The following ZNF782 variants were observed in gnomAD, a reference collection of about 807,000 sequenced individuals.
ZNF782 encodes the protein zinc finger protein 782.
A neutral mutation model predicts 13.0 loss-of-function variants in ZNF782; 12 were observed. That is an observed-to-expected ratio of 0.92 (90% CI 0.59 to 1.50). The LOEUF is 1.50. ZNF782 is among the 40% of genes most tolerant of loss of function. ZNF782 has a pLI of 0.00. For synonymous variants in ZNF782, 284 were observed against 283.0 expected (o/e 1.00, Z -0.04); for missense variants, 770 against 822.9 (o/e 0.94, Z 0.79).
Position 96,825,047 on chromosome 9 carries a change from A to G in ZNF782, c.244+2033T>C, listed in dbSNP as rs937298254. ...CAATGACTTTCTTCACAGAATTGGA[A>G]AAAACTACTTTAAAGTTCATATGGA... On this transcript the variant is annotated intron_variant, in intron 5 of 5. Coordinates refer to ENST00000481138, the MANE Select transcript of ZNF782 (RefSeq NM_001001662.3). Among the ~76,000 whole-genome samples the G allele has an allele frequency of 6.8e-4, 103 of 150,934 alleles. 1 individual carries two copies. Among genetic ancestry groups the G allele is most frequent in the South Asian group, 4.0e-3 (19 of 4,788 alleles).
At chr9:96,907,598 A>G in the ZNF782 span, among the ~76,000 whole-genome samples, 1,578 of 152,174 alleles carry the variant, frequency 0.01, 5 homozygotes, top group African/African-American at 0.036. Context: ...GTCTTCTCCA[A>G]TACCACACTG....
chr9:96,923,127 C>T, the ZNF782 span, among the ~76,000 whole-genome samples: 4 of 147,958 alleles, frequency 2.7e-5, no homozygotes, highest in Non-Finnish European at 5.9e-5. Context: ...CTGAAAAATA[C>T]AAGCACATAG....
chr9:96,819,757 A>G lies in ZNF782; in HGVS notation c.266T>C (p.Ile89Thr). 6.2e-7 allele frequency: 1 copy of G among 1,604,582 alleles called. No homozygotes were observed. Among genetic ancestry groups the G allele is most frequent in the Non-Finnish European group, 8.5e-7 (1 of 1,176,612 alleles). Reference sequence around the variant, plus strand: ...TTGATTTTCTGGGCTCTTCTCTGAGATTTCATCAGGTTGGGAGTCTTCTAA... The same window carrying G: ...TTGATTTTCTGGGCTCTTCTCTGAGGTTTCATCAGGTTGGGAGTCTTCTAA... ...NSPEDSQPDE[I>T]SEKSPENQGK... The change falls in exon 6 of 6, where the codon ATC becomes ACC. Residue 89 changes from isoleucine (I) to threonine (T), a missense_variant. Coordinates refer to ENST00000481138, the MANE Select transcript of ZNF782 (RefSeq NM_001001662.3).
At chr9:96,826,293 G>T (rs947636709) in intron 5 of ZNF782, among the ~76,000 whole-genome samples, 15 of 142,378 alleles carry the variant, frequency 1.1e-4, no homozygotes, top group East Asian at 2.0e-4. Context: ...GTAAACTATC[G>T]CAAGAACAAA....
intron 4 of ZNF782, among the ~76,000 whole-genome samples, chr9:96,842,605 T>C (rs545519947): frequency 6.6e-6 from 1 of 152,146 alleles, no homozygotes; most frequent in Non-Finnish European, 1.5e-5. Context: ...ATGTAAAATA[T>C]ATTACACAAT....
At chr9:96,827,660 C>G (rs1164610880) in intron 4 of ZNF782, among the ~76,000 whole-genome samples, 1 of 152,080 alleles carries the variant, frequency 6.6e-6, no homozygotes, top group Non-Finnish European at 1.5e-5. Flanking sequence ...AACTGCACAC[C>G]TAAGTAACAT....
chr9:96,881,159 T>G, the ZNF782 span, among the ~76,000 whole-genome samples: 1 of 152,136 alleles, frequency 6.6e-6, no homozygotes, highest in African/African-American at 2.4e-5. Flanking sequence ...TCTCTTCATC[T>G]TTGTCAATCT....
intron 4 of ZNF782, 89 bp from the exon 5 acceptor site, chr9:96,827,270 A>T: frequency 1.2e-6 from 1 of 861,476 alleles, no homozygotes; most frequent in Non-Finnish European, 1.8e-6. Context: ...CAGAAGGGGC[A>T]TATTCAGGGT....
chr9:96,930,809 T>G, the ZNF782 span, among the ~76,000 whole-genome samples: 17,263 of 148,440 alleles, frequency 0.12, 2,244 homozygotes, highest in East Asian at 0.34. Context: ...TGCTGGGCGT[T>G]ATGTGTTATG....
the ZNF782 span, among the ~76,000 whole-genome samples, chr9:96,910,751 C>T: frequency 1.3e-5 from 2 of 148,740 alleles, no homozygotes; most frequent in African/African-American, 4.9e-5. Context: ...ATTCTCCTGC[C>T]TCAGCCTCCC....
chr9:96,912,518 A>T, the ZNF782 span, among the ~76,000 whole-genome samples: 1 of 150,422 alleles, frequency 6.6e-6, no homozygotes, highest in Non-Finnish European at 1.5e-5. Context: ...CAGAGATAAA[A>T]GGCTTCTTTT....
intron 4 of ZNF782, among the ~76,000 whole-genome samples, chr9:96,844,284 T>C (rs922437824): frequency 6.6e-6 from 1 of 152,164 alleles, no homozygotes; most frequent in African/African-American, 2.4e-5. Context: ...CACAAAGACT[T>C]GTATGTGAAA....
Position 96,819,065 on chromosome 9 carries a change from T to G in ZNF782, c.958A>C (p.Asn320His). 6.2e-7 allele frequency: 1 copy of G among 1,614,190 alleles called. No homozygotes were observed. Among genetic ancestry groups the G allele is most frequent in the Non-Finnish European group, 8.5e-7 (1 of 1,180,044 alleles). ...TGCACTGGGAGGGTTGAATTACGGT[T>G]GAAACTTTTTCCATATTCAAAGGGT... ...VKPFEYGKSFNRNSTLPVHQR... is the reference protein window; with the variant it reads ...VKPFEYGKSFHRNSTLPVHQR... The change falls in exon 6 of 6, where the codon AAC (asparagine) becomes CAC (histidine). Residue 320 changes from asparagine (N) to histidine (H), a missense_variant. Physicochemically the swap from Asn to His is moderately conservative, Grantham distance 68. Transcript: ENST00000481138.
chr9:96,843,885 T>C lies in ZNF782; in HGVS notation c.142+1005A>G, dbSNP rs181309397. On this transcript the variant is annotated intron_variant, in intron 4 of 5. Coordinates refer to ENST00000481138, the MANE Select transcript of ZNF782 (RefSeq NM_001001662.3). Reference sequence around the variant, plus strand: ...GGCAAGAAAAAGTCTGTAAAACATATATCTAATAAAGGTCTGAACTTCTTC... The same window carrying C: ...GGCAAGAAAAAGTCTGTAAAACATACATCTAATAAAGGTCTGAACTTCTTC... Among the ~76,000 whole-genome samples, 153 of 152,232 alleles carry C rather than the reference T, an allele frequency of 1.0e-3. 1 individual carries two copies. The highest frequency in any genetic ancestry group is 3.4e-3 in the African/African-American group (142 of 41,550).
At chr9:96,913,424 G>A in the ZNF782 span, among the ~76,000 whole-genome samples, 14,043 of 144,962 alleles carry the variant, frequency 0.097, 268 homozygotes, top group East Asian at 0.45. Context: ...CCTATATCCA[G>A]GTATTTAAGT....
At chr9:96,918,057 T>C in the ZNF782 span, among the ~76,000 whole-genome samples, 10 of 151,210 alleles carry the variant, frequency 6.6e-5, no homozygotes, top group Non-Finnish European at 1.3e-4. Flanking sequence ...GTAGAATTTA[T>C]TGCGCACATT....
chr9:96,889,433 CTT>C, the ZNF782 span: 11 of 150,540 alleles, frequency 7.3e-5, no homozygotes, highest in Non-Finnish European at 1.0e-4. Flanking sequence ...GAGTTTTGCT[CTT>C]GTTGCCTAGG....
the ZNF782 span, among the ~76,000 whole-genome samples, chr9:96,925,226 A>G: frequency 7.2e-5 from 11 of 151,988 alleles, no homozygotes; most frequent in East Asian, 3.9e-4. Context: ...GCAGGCGTGG[A>G]GCCCGCCCTG....
chr9:96,839,901 T>A (rs1213328131), intron 4 of ZNF782, among the ~76,000 whole-genome samples: 2 of 152,218 alleles, frequency 1.3e-5, no homozygotes, highest in Non-Finnish European at 2.9e-5. Context: ...TAACACACTT[T>A]TAGCCAATTA....
Sources: allele counts gnomAD v4.1 joint callset (sites outside exome capture counted in the v4.1 genomes callset), GRCh38; gene constraint gnomAD v4.1.1; transcripts MANE v1.5; gene names NCBI Gene and HGNC (gene_info 2026-07-23, HGNC 2026-07-21).